The following UBE2E1 variants were observed in gnomAD, a reference collection of about 807,000 sequenced individuals.
UBE2E1 encodes the protein ubiquitin-conjugating enzyme E2 E1.
UBE2E1 carries 6 observed loss-of-function variants against 21.4 expected under a neutral mutation model. The observed-to-expected ratio is 0.28, with a 90% CI of 0.15 to 0.55. UBE2E1 has a LOEUF of 0.55. Ranked by LOEUF, UBE2E1 falls within the 20% of genes least tolerant of loss-of-function variation. The pLI is 0.93. For synonymous variants in UBE2E1, 87 were observed against 82.7 expected (o/e 1.05, Z -0.28); for missense variants, 142 against 236.5 (o/e 0.60, Z 2.62).
chr3:23,817,108 T>A (rs1489966875), intron 3 of UBE2E1, among the ~76,000 whole-genome samples: 1 of 152,192 alleles, frequency 6.6e-6, no homozygotes, highest in Non-Finnish European at 1.5e-5. Flanking sequence ...TTGGGGATTC[T>A]TGTTAAATTC....
intron 5 of UBE2E1, chr3:23,889,826 G>C: frequency 2.2e-6 from 2 of 910,676 alleles, no homozygotes; most frequent in Non-Finnish European, 2.6e-6. Flanking sequence ...GAAGGTCAAA[G>C]CTGCAGTGAG....
Position 23,853,722 on chromosome 3 carries a change from T to G in UBE2E1, c.204-33845T>G, listed in dbSNP as rs576617367. On this transcript the variant is annotated intron_variant, in intron 3 of 5. Coordinates refer to ENST00000306627, the MANE Select transcript of UBE2E1 (RefSeq NM_003341.5). This position sits in a 1 kb window ranked among gnomAD's most constrained non-coding sequence, Gnocchi z 4.1. ...AAAATAACTACATGTACACCTGTAG[T>G]CTTGCTTTGTACAGGTTTTGCATTT... Among the ~76,000 whole-genome samples the G allele has an allele frequency of 2.0e-5, 3 of 152,274 alleles. No homozygotes were observed. Among genetic ancestry groups the G allele is most frequent in the Admixed American group, 2.0e-4 (3 of 15,292 alleles).
chr3:23,867,737 G>A (rs1008318963), intron 3 of UBE2E1, among the ~76,000 whole-genome samples: 2 of 152,178 alleles, frequency 1.3e-5, no homozygotes, highest in African/African-American at 4.8e-5. Context: ...ATGTCTGAGA[G>A]CAAAGGAGAA....
chr3:23,878,254 C>T (rs1700960331), intron 3 of UBE2E1, among the ~76,000 whole-genome samples: 1 of 152,154 alleles, frequency 6.6e-6, no homozygotes, highest in African/African-American at 2.4e-5. Flanking sequence ...GCTTCAGTAG[C>T]ACCCAGGAGG....
Position 23,853,065 on chromosome 3 carries a change from C to T in UBE2E1, c.204-34502C>T, listed in dbSNP as rs113681827. On this transcript the variant is annotated intron_variant, in intron 3 of 5. Coordinates refer to ENST00000306627, the MANE Select transcript of UBE2E1 (RefSeq NM_003341.5). This position sits in a 1 kb window ranked among gnomAD's most constrained non-coding sequence, Gnocchi z 4.1. ...CCAAGTAGCTGGGATTACAGGCATGCGGCACCACACCCAGCTAATTTTATT... is the reference window on the plus strand; with the variant it reads ...CCAAGTAGCTGGGATTACAGGCATGTGGCACCACACCCAGCTAATTTTATT... 0.02 allele frequency among the ~76,000 whole-genome samples: 3,099 copies of T among 151,782 alleles called. 107 individuals carry two copies. Among genetic ancestry groups the T allele is most frequent in the African/African-American group, 0.07 (2,905 of 41,354 alleles).
At chr3:23,834,013 T>C (rs1390335263) in intron 3 of UBE2E1, among the ~76,000 whole-genome samples, 1 of 152,120 alleles carries the variant, frequency 6.6e-6, no homozygotes, top group Non-Finnish European at 1.5e-5. Context: ...GCCAGAAGTT[T>C]TGTATCAGAA....
intron 3 of UBE2E1, among the ~76,000 whole-genome samples, chr3:23,855,220 A>G (rs1329612149): frequency 6.6e-6 from 1 of 152,240 alleles, no homozygotes; most frequent in African/African-American, 2.4e-5. Flanking sequence ...AAGGGACACA[A>G]ATACACAACC....
At chr3:23,865,606 G>A (rs916886476) in intron 3 of UBE2E1, among the ~76,000 whole-genome samples, 2 of 152,116 alleles carry the variant, frequency 1.3e-5, no homozygotes, top group Non-Finnish European at 2.9e-5. Context: ...TGCCTGCCTC[G>A]GACTTCCAAA....
At position 23,831,844 on chromosome 3, in the gene UBE2E1, C is replaced by T. The variant is rs191200605; in HGVS notation, c.203+20334C>T. Among the ~76,000 whole-genome samples the T allele has an allele frequency of 5.3e-5, 8 of 152,022 alleles. No individual in the cohort carries two copies. The East Asian group carries it at 5.8e-4, about 11-fold the overall frequency. The stretch of plus-strand genomic sequence containing the variant: ...CCCAAATGCTGGAATTACAGGTGCC[C>T]GCCACTATGCCTGGATAATTTTTGT... On this transcript the variant is annotated intron_variant, in intron 3 of 5. Coordinates refer to ENST00000306627, the MANE Select transcript of UBE2E1 (RefSeq NM_003341.5).
intron 3 of UBE2E1, chr3:23,866,616 A>G (rs1700663705): frequency 6.6e-6 from 1 of 152,168 alleles, no homozygotes; most frequent in Non-Finnish European, 1.5e-5. Context: ...TTTCCCCAAA[A>G]TGTCTTTGGT....
chr3:23,820,471 A>C lies in UBE2E1; in HGVS notation c.203+8961A>C, dbSNP rs77603922. Among the ~76,000 whole-genome samples the C allele has an allele frequency of 5.5e-3, 843 of 152,348 alleles. 9 individuals carry two copies. Among genetic ancestry groups the C allele is most frequent in the African/African-American group, 0.019 (793 of 41,588 alleles). On this transcript the variant is annotated intron_variant, in intron 3 of 5. Coordinates refer to ENST00000306627, the MANE Select transcript of UBE2E1 (RefSeq NM_003341.5). ...AGTTGATGTCCCATCCCACTCAGGA[A>C]ATCTTACAAAGCCAAAGGTTTTCAC... is the stretch of plus-strand genomic sequence containing the variant.
chr3:23,838,389 T>G (rs533998166), intron 3 of UBE2E1, among the ~76,000 whole-genome samples: 3 of 152,270 alleles, frequency 2.0e-5, no homozygotes, highest in Admixed American at 6.5e-5. Flanking sequence ...TTAAACAGCA[T>G]ATAATTGGGA....
At chr3:23,819,845 A>T (rs1208704568) in intron 3 of UBE2E1, among the ~76,000 whole-genome samples, 1 of 152,182 alleles carries the variant, frequency 6.6e-6, no homozygotes, top group African/African-American at 2.4e-5. Flanking sequence ...AAAAGATGTG[A>T]TCTCTGCTGC....
chr3:23,809,180 A>G (rs1423618979), intron 2 of UBE2E1, among the ~76,000 whole-genome samples: 2 of 152,208 alleles, frequency 1.3e-5, no homozygotes, highest in Non-Finnish European at 1.5e-5. Flanking sequence ...TGTTTTTGCA[A>G]TGAATTTAGC....
At chr3:23,855,890 C>A (rs111846872) in intron 3 of UBE2E1, among the ~76,000 whole-genome samples, 1 of 152,108 alleles carries the variant, frequency 6.6e-6, no homozygotes, top group Non-Finnish European at 1.5e-5. Flanking sequence ...AAGGCACTTA[C>A]ATAGCTTATT....
intron 3 of UBE2E1, among the ~76,000 whole-genome samples, chr3:23,813,845 G>A (rs891511340): frequency 1.3e-5 from 2 of 151,998 alleles, no homozygotes; most frequent in African/African-American, 4.8e-5. Context: ...CTGGCCTTGG[G>A]GATACTTTTT....
intron 3 of UBE2E1, among the ~76,000 whole-genome samples, chr3:23,845,587 C>CTGTGTGTGTGTG (rs372552220): frequency 0.12 from 13,457 of 114,206 alleles, 788 homozygotes; most frequent in Non-Finnish European, 0.13. Context: ...CTCTCTCTCT[C>CTGTGTGTGTGTG]TCTGTGTGTG....
chr3:23,815,153 T>C (rs1016292974), intron 3 of UBE2E1, among the ~76,000 whole-genome samples: 5 of 152,162 alleles, frequency 3.3e-5, no homozygotes, highest in African/African-American at 1.2e-4. Context: ...GTTAATTTTT[T>C]GTATTTTTTT....
intron 3 of UBE2E1, among the ~76,000 whole-genome samples, chr3:23,852,536 T>C (rs1700348575): frequency 6.6e-6 from 1 of 152,228 alleles, no homozygotes; most frequent in Non-Finnish European, 1.5e-5. Flanking sequence ...CTCTACAAGA[T>C]CATGTCATCT....
Sources: gnomAD v4.1 joint callset for allele counts (sites outside exome capture counted in the v4.1 genomes callset) on GRCh38, gnomAD v4.1.1 for gene constraint, Gnocchi (gnomAD v3.1) non-coding constraint, MANE v1.5 for transcripts, NCBI Gene and HGNC (gene_info 2026-07-23, HGNC 2026-07-21) for gene names.